The following SCN9A variants were observed in gnomAD, a reference collection of about 807,000 sequenced individuals.
The protein encoded by SCN9A is sodium voltage-gated channel alpha subunit 9.
SCN9A carries 131 observed loss-of-function variants against 187.0 expected under a neutral mutation model. The ratio of observed to expected loss-of-function variants is 0.70; its 90% CI spans 0.61 to 0.81. The LOEUF (loss-of-function observed/expected upper bound fraction) is 0.81, where lower values mean the gene tolerates loss of function less well. SCN9A is among the 30% of genes least tolerant of loss of function. SCN9A has a pLI of 0.00. For synonymous variants in SCN9A, 809 were observed against 808.6 expected (o/e 1.00, Z -0.01); for missense variants, 2,252 against 2,396.6 (o/e 0.94, Z 1.26).
At chr2:166,292,194 G>T (rs1698104671) in intron 9 of SCN9A, among the ~76,000 whole-genome samples, 1 of 151,998 alleles carries the variant, frequency 6.6e-6, no homozygotes, top group Non-Finnish European at 1.5e-5. Flanking sequence ...CTAATATTAA[G>T]AATCTACAAG....
intron 26 of SCN9A, among the ~76,000 whole-genome samples, chr2:166,200,732 A>T (rs1693469179): frequency 6.6e-6 from 1 of 151,952 alleles, no homozygotes; most frequent in Non-Finnish European, 1.5e-5. Context: ...GCATCCCGGG[A>T]TCAAATGATT....
intron 24 of SCN9A, among the ~76,000 whole-genome samples, chr2:166,206,877 C>T (rs2106351269): frequency 6.6e-6 from 1 of 152,188 alleles, no homozygotes; most frequent in Non-Finnish European, 1.5e-5. Context: ...CAACATTATC[C>T]TTGATAGATT....
chr2:166,368,918 C>T (rs1234907951), intron 1 of SCN9A, among the ~76,000 whole-genome samples: 5 of 150,304 alleles, frequency 3.3e-5, no homozygotes, highest in African/African-American at 7.4e-5. Context: ...ACCTGGGAGG[C>T]GGAAGTTGCA....
At chr2:166,352,639 G>C (rs768574136) in intron 1 of SCN9A, among the ~76,000 whole-genome samples, 1 of 152,024 alleles carries the variant, frequency 6.6e-6, no homozygotes, top group Non-Finnish European at 1.5e-5. Flanking sequence ...TTCTCCAATG[G>C]GTTAATTTTT....
At chr2:166,349,150 CAA>C (rs1699973129) in intron 1 of SCN9A, among the ~76,000 whole-genome samples, 1 of 141,690 alleles carries the variant, frequency 7.1e-6, no homozygotes, top group Non-Finnish European at 1.6e-5. Flanking sequence ...AACAAACAAA[CAA>C]ACAAAAAACT....
At chr2:166,220,837 A>G (rs1694553230) in intron 24 of SCN9A, among the ~76,000 whole-genome samples, 1 of 151,956 alleles carries the variant, frequency 6.6e-6, no homozygotes, top group Non-Finnish European at 1.5e-5. Context: ...CAAGAAAAAC[A>G]AGTAAAAGAC....
intron 18 of SCN9A, among the ~76,000 whole-genome samples, chr2:166,244,306 G>C (rs918515208): frequency 3.3e-5 from 5 of 151,936 alleles, no homozygotes; most frequent in African/African-American, 9.7e-5. Flanking sequence ...GCAGAAAAAG[G>C]GCCAACTCCG....
intron 10 of SCN9A, 98 bp from the exon 11 acceptor site, chr2:166,286,721 T>C (rs989500970): frequency 9.1e-6 from 8 of 877,988 alleles, no homozygotes; most frequent in African/African-American, 1.7e-5. Flanking sequence ...AACAACATGG[T>C]GCATATAATC....
chr2:166,209,879 C>A (rs1273419222), intron 24 of SCN9A, among the ~76,000 whole-genome samples: 1 of 152,122 alleles, frequency 6.6e-6, no homozygotes, highest in Non-Finnish European at 1.5e-5. Context: ...CTAGTTCAAC[C>A]ACTGTGGAAG....
intron 14 of SCN9A, 31 bp downstream of exon 14, chr2:166,280,324 CTA>C: frequency 8.5e-7 from 1 of 1,178,802 alleles, no homozygotes. Context: ...AAAAGAGAAA[CTA>C]TGAGTACATA....
Position 166,332,523 on chromosome 2 carries a change from C to T in SCN9A, c.-50-20717G>A, listed in dbSNP as rs75225428. On this transcript the variant is annotated intron_variant, in intron 1 of 26. Transcript: ENST00000642356. ...AGTGATTAAAGCATTTCTTCTGAAT[C>T]ACTTGAAAATTAATCACTTGACCTC... Among the ~76,000 whole-genome samples, 1,399 of 152,224 alleles carry T rather than the reference C, an allele frequency of 9.2e-3. 32 individuals carry two copies. The highest frequency in any genetic ancestry group is 0.031 in the African/African-American group (1,270 of 41,540).
At chr2:166,308,925 CA>C (rs397986566) in intron 2 of SCN9A, among the ~76,000 whole-genome samples, 115 of 78,144 alleles carry the variant, frequency 1.5e-3, no homozygotes, top group South Asian at 4.4e-3. Flanking sequence ...GACTCTGTCT[CA>C]AAAAAAAAAA....
chr2:166,307,145 T>C (rs1390289651), intron 2 of SCN9A, 71 bp from the exon 3 acceptor site: 14 of 845,476 alleles, frequency 1.7e-5, no homozygotes, highest in Middle Eastern at 2.6e-4. Flanking sequence ...TATCAGCAGT[T>C]TACCTTTCTA....
chr2:166,313,113 G>A lies in SCN9A; in HGVS notation c.-50-1307C>T, dbSNP rs193147774. Among the ~76,000 whole-genome samples the A allele has an allele frequency of 1.2e-4, 18 of 148,516 alleles. No homozygotes were observed. In the East Asian group the frequency reaches 3.3e-3, roughly 27 times the overall value. On this transcript the variant is annotated intron_variant, in intron 1 of 26. Coordinates refer to ENST00000642356, the MANE Select transcript of SCN9A (RefSeq NM_001365536.1). ...TAATTATTATGTAATTTTCTGAATAGTAAATAATATAATTATTATGTAATT... is the reference window on the plus strand; with the variant it reads ...TAATTATTATGTAATTTTCTGAATAATAAATAATATAATTATTATGTAATT...
intron 9 of SCN9A, among the ~76,000 whole-genome samples, chr2:166,292,196 A>T (rs77733720): frequency 0.025 from 3,739 of 152,256 alleles, 153 homozygotes; most frequent in African/African-American, 0.085. Flanking sequence ...AATATTAAGA[A>T]TCTACAAGTA....
intron 24 of SCN9A, among the ~76,000 whole-genome samples, chr2:166,225,329 T>C (rs1243898404): frequency 2.0e-5 from 3 of 152,214 alleles, no homozygotes; most frequent in Non-Finnish European, 4.4e-5. Context: ...AACCATTCTA[T>C]AGCAGCATCT....
chr2:166,336,363 G>C (rs1038510194), intron 1 of SCN9A, among the ~76,000 whole-genome samples: 1 of 152,106 alleles, frequency 6.6e-6, no homozygotes, highest in African/African-American at 2.4e-5. Flanking sequence ...AGCCAATAAA[G>C]GGTGCAGGAC....
At chr2:166,263,222 A>G (rs1189338329) in intron 17 of SCN9A, among the ~76,000 whole-genome samples, 2 of 151,934 alleles carry the variant, frequency 1.3e-5, no homozygotes, top group Non-Finnish European at 2.9e-5. Flanking sequence ...CTCTGTTGCA[A>G]TTTTAACAGT....
intron 24 of SCN9A, among the ~76,000 whole-genome samples, chr2:166,211,568 TAAG>T (rs1694095370): frequency 6.6e-6 from 1 of 151,760 alleles, no homozygotes; most frequent in African/African-American, 2.4e-5. Flanking sequence ...TCAAAATAAT[TAAG>T]AATAACTAAA....
Sources: gnomAD v4.1 joint callset for allele counts (sites outside exome capture counted in the v4.1 genomes callset) on GRCh38, gnomAD v4.1.1 for gene constraint, MANE v1.5 for transcripts, NCBI Gene and HGNC (gene_info 2026-07-23, HGNC 2026-07-21) for gene names.